ANKS1B: variants seen among roughly 807,000 people sequenced by gnomAD.
ANKS1B encodes the protein ankyrin repeat and sterile alpha motif domain containing 1B.
ANKS1B carries 36 observed loss-of-function variants against 148.3 expected under a neutral mutation model. The ratio of observed to expected loss-of-function variants is 0.24; its 90% CI spans 0.19 to 0.32. The LOEUF is 0.32. Among genes scored for constraint, ANKS1B ranks in the 10% least tolerant of loss-of-function variants. The probability of loss-of-function intolerance (pLI) is 1.00; values close to 1 mark genes in which losing one functional copy is unlikely to be tolerated. For synonymous variants in ANKS1B, 542 were observed against 560.8 expected, an observed-to-expected ratio of 0.97 and a Z score of 0.47; for missense variants, 1,157 against 1,542.6, an observed-to-expected ratio of 0.75 and a Z score of 4.19.
intron 17 of ANKS1B, among the ~76,000 whole-genome samples, chr12:98,910,226 C>T (rs966987598): frequency 6.6e-6 from 1 of 152,186 alleles, no homozygotes; most frequent in African/African-American, 2.4e-5. Flanking sequence ...TGAACTTTGA[C>T]TCTCAAATAT....
intron 17 of ANKS1B, among the ~76,000 whole-genome samples, chr12:98,999,585 T>C (rs1157626016): frequency 6.6e-6 from 1 of 152,340 alleles, no homozygotes; most frequent in African/African-American, 2.4e-5. Flanking sequence ...AGGCCAAAGG[T>C]TAACTCTTTA....
chr12:99,611,243 A>G (rs889325955), intron 9 of ANKS1B, among the ~76,000 whole-genome samples: 2 of 152,144 alleles, frequency 1.3e-5, no homozygotes, highest in Non-Finnish European at 2.9e-5. Context: ...TAAAAGTAAG[A>G]GTCACAGAAG....
At chr12:99,099,586 C>T (rs2057367082) in intron 15 of ANKS1B, among the ~76,000 whole-genome samples, 1 of 152,206 alleles carries the variant, frequency 6.6e-6, no homozygotes, top group African/African-American at 2.4e-5. Context: ...CTCCTTCTAA[C>T]CGTCCTGGGT....
At chr12:98,992,062 A>G (rs959657300) in intron 17 of ANKS1B, among the ~76,000 whole-genome samples, 1 of 152,210 alleles carries the variant, frequency 6.6e-6, no homozygotes, top group African/African-American at 2.4e-5. Flanking sequence ...GGTAGGTTAC[A>G]GGACAGATGG....
At chr12:98,842,075 C>T (rs2099409820) in intron 17 of ANKS1B, among the ~76,000 whole-genome samples, 1 of 152,150 alleles carries the variant, frequency 6.6e-6, no homozygotes, top group South Asian at 2.1e-4. Context: ...TAGCTAGCAA[C>T]TCCTAGCTAA....
intron 17 of ANKS1B, among the ~76,000 whole-genome samples, chr12:98,964,097 T>C (rs1371045475): frequency 1.3e-5 from 2 of 149,228 alleles, no homozygotes; most frequent in African/African-American, 5.0e-5. Flanking sequence ...AAACTCCGCC[T>C]CAAAAAAAAA....
intron 1 of ANKS1B, among the ~76,000 whole-genome samples, chr12:99,849,856 C>G (rs144082870): frequency 6.6e-6 from 1 of 152,046 alleles, no homozygotes; most frequent in Non-Finnish European, 1.5e-5. Context: ...TTCTGAGATG[C>G]TAGCAATATT....
At chr12:99,963,052 A>ATC (rs1483242540) in intron 1 of ANKS1B, among the ~76,000 whole-genome samples, 1 of 152,006 alleles carries the variant, frequency 6.6e-6, no homozygotes, top group African/African-American at 2.4e-5. Flanking sequence ...TGACCTCGTG[A>ATC]TGCACCCACC....
intron 16 of ANKS1B, 65 bp from the exon 17 acceptor site, chr12:99,053,374 A>C: frequency 7.9e-7 from 1 of 1,270,094 alleles, no homozygotes; most frequent in Non-Finnish European, 1.0e-6. Context: ...CAGAATGCAG[A>C]TTTCCCCTTG....
chr12:99,178,536 C>T (rs907945130), intron 14 of ANKS1B, among the ~76,000 whole-genome samples: 1 of 152,176 alleles, frequency 6.6e-6, no homozygotes, highest in Non-Finnish European at 1.5e-5. Flanking sequence ...CCTTTTTACC[C>T]TTGGGGATGC....
intron 9 of ANKS1B, among the ~76,000 whole-genome samples, chr12:99,572,434 C>A (rs1029182437): frequency 4.6e-5 from 7 of 152,000 alleles, no homozygotes; most frequent in African/African-American, 1.7e-4. Flanking sequence ...AGTGGGTGCT[C>A]TGCAAACTTG....
At chr12:99,768,825 G>GAAAAA (rs71088151) in intron 8 of ANKS1B, among the ~76,000 whole-genome samples, 2 of 69,386 alleles carry the variant, frequency 2.9e-5, no homozygotes, top group Non-Finnish European at 5.2e-5. Flanking sequence ...CTCCGTCTCA[G>GAAAAA]AAAAAAAAAA....
intron 8 of ANKS1B, among the ~76,000 whole-genome samples, chr12:99,670,380 T>C (rs1298261677): frequency 6.6e-6 from 1 of 152,140 alleles, no homozygotes; most frequent in Non-Finnish European, 1.5e-5. Flanking sequence ...AATTAATTTT[T>C]TGCATCAGTG....
chr12:99,154,204 A>T, intron 15 of ANKS1B, 85 bp downstream of exon 15: 1 of 1,540,082 alleles, frequency 6.5e-7, no homozygotes, highest in Non-Finnish European at 8.8e-7. Context: ...TTTTGGTGCA[A>T]ATCAGGCTGC....
At chr12:99,762,603 T>C (rs1184211419) in intron 8 of ANKS1B, among the ~76,000 whole-genome samples, 1 of 152,140 alleles carries the variant, frequency 6.6e-6, no homozygotes, top group East Asian at 1.9e-4. Flanking sequence ...GAAAACACCA[T>C]TCTGGACATA....
chr12:99,705,710 G>T (rs1337715429), intron 8 of ANKS1B, among the ~76,000 whole-genome samples: 1 of 152,050 alleles, frequency 6.6e-6, no homozygotes, highest in Non-Finnish European at 1.5e-5. Context: ...ACAAAGGAAA[G>T]AGGCAATAAA....
chr12:99,617,889 G>A (rs1421357341), intron 9 of ANKS1B, among the ~76,000 whole-genome samples: 8 of 151,786 alleles, frequency 5.3e-5, no homozygotes, highest in Non-Finnish European at 8.8e-5. Context: ...CATATACTGA[G>A]TGATTTTTAA....
At chr12:99,104,455 T>G (rs948534276) in intron 15 of ANKS1B, 1 of 152,222 alleles carries the variant, frequency 6.6e-6, no homozygotes, top group Non-Finnish European at 1.5e-5. Flanking sequence ...CCACTTAGGA[T>G]CCTCTAGGCC....
At chr12:99,439,034 G>C (rs549540069) in intron 11 of ANKS1B, among the ~76,000 whole-genome samples, 2 of 151,826 alleles carry the variant, frequency 1.3e-5, no homozygotes, top group East Asian at 3.9e-4. Context: ...AAACTCAACT[G>C]CATTTCTACA....
Sources: allele counts gnomAD v4.1 joint callset (sites outside exome capture counted in the v4.1 genomes callset), GRCh38; gene constraint gnomAD v4.1.1; transcripts MANE v1.5; gene names NCBI Gene and HGNC (gene_info 2026-07-23, HGNC 2026-07-21).